Variants in PCDH11X observed in about 807,000 individuals in gnomAD.
PCDH11X encodes the protein protocadherin-11 X-linked.
PCDH11X carries 18 observed loss-of-function variants against 53.3 expected under a neutral mutation model. The ratio of observed to expected loss-of-function variants is 0.34; its 90% CI spans 0.23 to 0.50. PCDH11X has a LOEUF of 0.50. Among genes scored for constraint, PCDH11X ranks in the 20% least tolerant of loss-of-function variants. The pLI is 0.98. For missense variants in PCDH11X, 570 were observed against 1,032.4 expected, an observed-to-expected ratio of 0.55 and a Z score of 6.14; for synonymous variants, 279 against 393.3, an observed-to-expected ratio of 0.71 and a Z score of 3.44.
intron 8 of PCDH11X, among the ~76,000 whole-genome samples, chrX:92,344,670 C>A (rs1444623051): frequency 1.0e-5 from 1 of 97,611 alleles, no homozygotes; most frequent in Admixed American, 1.2e-4. Context: ...ATTAATGATG[C>A]TTGATAAAGA....
chrX:92,278,738 A>G (rs780235024), intron 8 of PCDH11X, among the ~76,000 whole-genome samples: 92 of 108,978 alleles, frequency 8.4e-4, no homozygotes, highest in Non-Finnish European at 1.4e-3. Context: ...CCATCTGGTC[A>G]TATCCGTGCA....
chrX:92,035,382 C>T (rs902249443), intron 6 of PCDH11X, among the ~76,000 whole-genome samples: 10 of 111,349 alleles, frequency 9.0e-5, no homozygotes, highest in South Asian at 3.8e-4. Context: ...ATTTCTCCTT[C>T]GTGCTCCAAG....
At chrX:92,364,937 A>T (rs867991628) in intron 8 of PCDH11X, among the ~76,000 whole-genome samples, 18 of 41,785 alleles carry the variant, frequency 4.3e-4, no homozygotes, top group African/African-American at 1.1e-3. Flanking sequence ...AAAAAAAAAA[A>T]TTTCTTTCTT....
intron 6 of PCDH11X, among the ~76,000 whole-genome samples, chrX:92,198,436 A>AAAG (rs2066333781): frequency 1.0e-5 from 1 of 97,388 alleles, no homozygotes; most frequent in East Asian, 3.4e-4. Context: ...AAAAAAAAAA[A>AAAG]TCACAAAACC....
At chrX:92,026,420 A>G (rs1305700700) in intron 6 of PCDH11X, among the ~76,000 whole-genome samples, 3 of 109,980 alleles carry the variant, frequency 2.7e-5, no homozygotes, top group Non-Finnish European at 5.7e-5. Flanking sequence ...TTACAGAAAA[A>G]AAAAAGCCAA....
At chrX:92,280,444 A>G (rs970430690) in intron 8 of PCDH11X, among the ~76,000 whole-genome samples, 3 of 109,455 alleles carry the variant, frequency 2.7e-5, no homozygotes, top group African/African-American at 6.7e-5. Context: ...GCTACTCAGG[A>G]GGCTGTGGTG....
At chrX:91,996,048 A>C (rs1248066518) in intron 6 of PCDH11X, among the ~76,000 whole-genome samples, 6 of 103,828 alleles carry the variant, frequency 5.8e-5, no homozygotes, top group Non-Finnish European at 9.8e-5. Flanking sequence ...TCACCATGTT[A>C]GCCAGGATGG....
chrX:92,329,916 G>C (rs1417680006), intron 8 of PCDH11X, among the ~76,000 whole-genome samples: 1 of 111,125 alleles, frequency 9.0e-6, no homozygotes, highest in Non-Finnish European at 1.9e-5. Context: ...GCATGTGTTA[G>C]CACAACAGTA....
At chrX:92,048,257 C>T (rs1353548852) in intron 6 of PCDH11X, among the ~76,000 whole-genome samples, 1 of 104,054 alleles carries the variant, frequency 9.6e-6, no homozygotes. Context: ...AAAAAAAAAC[C>T]GACTTTCTCT....
chrX:92,354,631 A>G (rs1361867530), intron 8 of PCDH11X, among the ~76,000 whole-genome samples: 2 of 111,237 alleles, frequency 1.8e-5, no homozygotes, highest in Non-Finnish European at 1.9e-5. Flanking sequence ...TACTCCACAA[A>G]CTCCTTTTAT....
At chrX:92,400,223 G>C (rs957081334) in intron 9 of PCDH11X, among the ~76,000 whole-genome samples, 15 of 111,673 alleles carry the variant, frequency 1.3e-4, no homozygotes, top group Non-Finnish European at 2.4e-4. Flanking sequence ...TAGCAAAGCA[G>C]AGTACCAGCT....
intron 7 of PCDH11X, among the ~76,000 whole-genome samples, chrX:92,229,544 T>C (rs2067030437): frequency 9.0e-6 from 1 of 111,288 alleles, no homozygotes; most frequent in Admixed American, 9.6e-5. Context: ...AATGCCAGAA[T>C]GCATTAACAG....
chrX:91,943,294 A>G (rs2061532252), intron 6 of PCDH11X, among the ~76,000 whole-genome samples: 1 of 107,936 alleles, frequency 9.3e-6, no homozygotes, highest in Non-Finnish European at 1.9e-5. Flanking sequence ...AGGTTCATCA[A>G]TTGTAACAAA....
intron 6 of PCDH11X, among the ~76,000 whole-genome samples, chrX:91,986,880 C>T (rs2062236328): frequency 9.0e-6 from 1 of 110,946 alleles, no homozygotes; most frequent in African/African-American, 3.3e-5. Context: ...GGAGCTCAGA[C>T]ATCTTTGGGG....
chrX:92,270,415 G>C (rs978548975), intron 8 of PCDH11X, among the ~76,000 whole-genome samples: 24 of 112,002 alleles, frequency 2.1e-4, no homozygotes, highest in Non-Finnish European at 3.9e-4. Context: ...TGAGCCAACT[G>C]TGTCCAGCCA....
Position 92,354,490 on chromosome X carries a change from T to G in PCDH11X, c.3145-33245T>G, listed in dbSNP as rs142400715. ...AGAGAAAAATGATATTAGAAAGACA[T>G]TATATACCCAACCCTCTCTTTTGAT... is the stretch of plus-strand genomic sequence containing the variant. On this transcript the variant is annotated intron_variant, in intron 8 of 10. Coordinates refer to ENST00000682573, the MANE Select transcript of PCDH11X (RefSeq NM_032968.5). Among the ~76,000 whole-genome samples, 781 of 110,149 alleles carry G rather than the reference T, an allele frequency of 7.1e-3. 22 individuals are homozygous for G. The East Asian group carries it at 0.099, about 14-fold the overall frequency.
chrX:92,075,717 C>T (rs923764443), intron 6 of PCDH11X, among the ~76,000 whole-genome samples: 2 of 111,655 alleles, frequency 1.8e-5, no homozygotes, highest in African/African-American at 6.5e-5. Context: ...CTATCCAGAT[C>T]CACAAAATTT....
At chrX:92,616,768 A>C (rs2148820912) in intron 10 of PCDH11X, among the ~76,000 whole-genome samples, 1 of 109,451 alleles carries the variant, frequency 9.1e-6, no homozygotes, top group African/African-American at 3.3e-5. Context: ...CAAAAACAGA[A>C]GATCCATCTA....
At chrX:92,178,584 A>G (rs946610015) in intron 6 of PCDH11X, among the ~76,000 whole-genome samples, 2 of 111,991 alleles carry the variant, frequency 1.8e-5, no homozygotes, top group Non-Finnish European at 3.8e-5. Flanking sequence ...AATAAAATTA[A>G]TGAGATAATT....
Sources: gnomAD v4.1 joint callset for allele counts (sites outside exome capture counted in the v4.1 genomes callset) on GRCh38, gnomAD v4.1.1 for gene constraint, MANE v1.5 for transcripts, NCBI Gene and HGNC (gene_info 2026-07-23, HGNC 2026-07-21) for gene names.